CHST9: variants seen among roughly 807,000 people sequenced by gnomAD.
CHST9 encodes the protein carbohydrate sulfotransferase 9, also known as GalNAc-4-sulfotransferase 2.
In CHST9, 41 loss-of-function variants were observed where a neutral mutation model predicts 44.4. That is an observed-to-expected ratio of 0.92 (90% confidence interval 0.72 to 1.20). The LOEUF (loss-of-function observed/expected upper bound fraction) is 1.20, where lower values mean the gene tolerates loss of function less well. CHST9 is among the 50% of genes most tolerant of loss of function. The probability of loss-of-function intolerance (pLI) is 0.00; values close to 1 mark genes in which losing one functional copy is unlikely to be tolerated. For missense variants in CHST9, 504 were observed against 516.5 expected (o/e 0.98, Z 0.23); for synonymous variants, 171 against 178.4 (o/e 0.96, Z 0.33).
At chr18:27,018,455 A>C (rs2057180871) in intron 4 of CHST9, among the ~76,000 whole-genome samples, 1 of 152,180 alleles carries the variant, frequency 6.6e-6, no homozygotes, top group Admixed American at 6.5e-5. Context: ...AAAAGAAAAA[A>C]ACCCAACAAC....
chr18:26,941,231 G>C (rs536945808), intron 5 of CHST9, among the ~76,000 whole-genome samples: 5 of 152,150 alleles, frequency 3.3e-5, no homozygotes. Flanking sequence ...GACAGCACCT[G>C]TCTATGAATG....
intron 1 of CHST9, among the ~76,000 whole-genome samples, chr18:27,184,897 G>GC (rs1211149080): frequency 1.3e-5 from 2 of 151,952 alleles, no homozygotes; most frequent in African/African-American, 2.4e-5. Context: ...TCCTGCTCCC[G>GC]CCCCCCACCT....
rs1265960979 is a variant in CHST9, at chr18:26,911,174, AG to A, written c.*5084del. 6.6e-6 allele frequency: 1 copy of A among 152,210 alleles called. No homozygotes were observed. 9.4% of individuals were successfully genotyped at this position (152,210 alleles called of 1,614,324 possible). On this transcript the variant is annotated 3_prime_UTR_variant, in exon 6 of 6. Transcript: ENST00000618847. ...AGAAATATACGAATTCTACACTAAA[AG>A]AAGTTGTACAGGAACCTTTAAACAA...
At chr18:26,975,755 A>C (rs1424166775) in intron 4 of CHST9, among the ~76,000 whole-genome samples, 5 of 121,842 alleles carry the variant, frequency 4.1e-5, no homozygotes, top group Non-Finnish European at 8.7e-5. Flanking sequence ...ATATATATAT[A>C]TATATATATA....
At chr18:26,957,386 G>A (rs1178417688) in intron 4 of CHST9, among the ~76,000 whole-genome samples, 1 of 152,092 alleles carries the variant, frequency 6.6e-6, no homozygotes, top group East Asian at 1.9e-4. Flanking sequence ...AAGAGGACCA[G>A]GTACTAATAT....
intron 2 of CHST9, among the ~76,000 whole-genome samples, chr18:27,060,017 G>T (rs2057702834): frequency 6.6e-6 from 1 of 152,222 alleles, no homozygotes; most frequent in African/African-American, 2.4e-5. Context: ...GTTGAATGGA[G>T]TTTACTAGGA....
chr18:27,052,256 A>G (rs55679629), intron 2 of CHST9, among the ~76,000 whole-genome samples: 18,275 of 146,706 alleles, frequency 0.12, 1,237 homozygotes, highest in Middle Eastern at 0.24. Flanking sequence ...GTGTGTGTGT[A>G]TATATATATG....
chr18:27,047,948 C>T (rs1413568489), intron 3 of CHST9, among the ~76,000 whole-genome samples: 1 of 152,166 alleles, frequency 6.6e-6, no homozygotes. Context: ...ATACTGACCC[C>T]TACTATGTGC....
chr18:27,144,865 C>T (rs1438005299), intron 1 of CHST9, among the ~76,000 whole-genome samples: 6 of 151,990 alleles, frequency 3.9e-5, no homozygotes, highest in Non-Finnish European at 7.4e-5. Flanking sequence ...GTCAACCCTG[C>T]GTTTCTACAG....
chr18:27,030,514 C>T (rs900116422), intron 3 of CHST9, among the ~76,000 whole-genome samples: 6 of 152,124 alleles, frequency 3.9e-5, no homozygotes, highest in African/African-American at 7.2e-5. Flanking sequence ...TAAAAGACGG[C>T]GAGATGCAAG....
At chr18:27,103,845 G>A (rs932306621) in intron 2 of CHST9, among the ~76,000 whole-genome samples, 1 of 152,102 alleles carries the variant, frequency 6.6e-6, no homozygotes, top group South Asian at 2.1e-4. Context: ...TCACATAGCT[G>A]TTTATAAATA....
chr18:27,175,698 CA>C (rs1465821133), intron 1 of CHST9, among the ~76,000 whole-genome samples: 1 of 151,952 alleles, frequency 6.6e-6, no homozygotes, highest in Non-Finnish European at 1.5e-5. Flanking sequence ...TAACTTTGTA[CA>C]TGTGGAGTTA....
At chr18:26,945,412 C>T (rs1462023234) in intron 4 of CHST9, among the ~76,000 whole-genome samples, 1 of 152,180 alleles carries the variant, frequency 6.6e-6, no homozygotes, top group African/African-American at 2.4e-5. Flanking sequence ...CACTACATCA[C>T]TCCCCTCCAC....
rs147123835 is a variant in CHST9 at position 26,971,531 on chromosome 18, C to T, written c.203-27165G>A. 3.9e-3 allele frequency among the ~76,000 whole-genome samples: 596 copies of T among 152,310 alleles called. 3 individuals carry two copies. Among genetic ancestry groups the T allele is most frequent in the African/African-American group, 0.014 (580 of 41,556 alleles). ...AGGAAAGGTTTATTCATTTATCATACTCTATGTCCTTTGATGGCTGCCAGG... is the reference window on the plus strand; with the variant it reads ...AGGAAAGGTTTATTCATTTATCATATTCTATGTCCTTTGATGGCTGCCAGG... On this transcript the variant is annotated intron_variant, in intron 4 of 5. Transcript: ENST00000618847.
chr18:26,979,005 T>A (rs1261914021), intron 4 of CHST9, among the ~76,000 whole-genome samples: 2 of 151,984 alleles, frequency 1.3e-5, no homozygotes, highest in African/African-American at 2.4e-5. Context: ...TTTCCGTTTT[T>A]TTTATTTATT....
intron 4 of CHST9, chr18:26,952,063 A>C (rs1294992833): frequency 5.5e-6 from 2 of 362,716 alleles, no homozygotes; most frequent in African/African-American, 4.3e-5. Flanking sequence ...TTAGTGACAG[A>C]GGGGCATCCA....
intron 2 of CHST9, among the ~76,000 whole-genome samples, chr18:27,053,085 A>C (rs1024733044): frequency 6.7e-6 from 1 of 149,642 alleles, no homozygotes; most frequent in Non-Finnish European, 1.5e-5. Flanking sequence ...ACTTAAAGTA[A>C]AGAAGAAGAA....
chr18:26,926,959 C>T (rs1278813967), intron 5 of CHST9, among the ~76,000 whole-genome samples: 1 of 152,138 alleles, frequency 6.6e-6, no homozygotes, highest in Non-Finnish European at 1.5e-5. Flanking sequence ...TGGGATATGG[C>T]TCTTTAATAT....
In CHST9 at chr18:26,907,521, A is replaced by C. The variant is rs1443894941; in HGVS notation, c.*8738T>G. 6.6e-6 allele frequency: 1 copy of C among 152,086 alleles called. No homozygotes were observed. The highest frequency in any genetic ancestry group is 1.5e-5 in the Non-Finnish European group (1 of 68,104). 9.4% of individuals were successfully genotyped at this position (152,086 alleles called of 1,614,324 possible). A position where few individuals can be genotyped will look rare whatever the true frequency, so the allele number is the denominator to read the frequency against. The stretch of plus-strand genomic sequence containing the variant: ...CTAATGGTGGAGCTAAAGCAAGGAG[A>C]GTGGAAGAGAGTCCCCAAGCAGAGA... On this transcript the variant is annotated 3_prime_UTR_variant, in exon 6 of 6. Transcript: ENST00000618847.
Sources: allele counts gnomAD v4.1 joint callset (sites outside exome capture counted in the v4.1 genomes callset), GRCh38; gene constraint gnomAD v4.1.1; transcripts MANE v1.5; gene names NCBI Gene and HGNC (gene_info 2026-07-23, HGNC 2026-07-21).